Variants in MROH6 observed in about 807,000 individuals in gnomAD.
MROH6 encodes the protein maestro heat-like repeat-containing protein family member 6.
In MROH6, 62 loss-of-function variants were observed where a neutral mutation model predicts 67.7. The ratio of observed to expected loss-of-function variants is 0.92; its 90% confidence interval spans 0.75 to 1.13. MROH6 has a LOEUF of 1.13. MROH6 is among the 50% of genes most tolerant of loss of function. The pLI, the probability that MROH6 is intolerant of heterozygous loss-of-function variation, is 0.00. For missense variants in MROH6, 1,175 were observed against 1,029.1 expected (o/e 1.14, Z -1.94); for synonymous variants, 566 against 470.8 (o/e 1.20, Z -2.62).
rs758472125 is a variant in MROH6, at chr8:143,571,876, C to T, written c.448-55G>A. ...TCAGGCCTCCTCCACCGTCCATTCC[C>T]CTCTGGCCTGCACCCCACCTCCACC... On this transcript the variant is annotated intron_variant, in intron 2 of 13. Transcript: ENST00000398882. The T allele has an allele frequency of 2.5e-4, 376 of 1,510,444 alleles. 1 individual carries two copies. The highest frequency in any genetic ancestry group is 3.1e-4 in the Non-Finnish European group (346 of 1,125,142). 93.6% of individuals were successfully genotyped at this position (1,510,444 alleles called of 1,614,324 possible). A position where few individuals can be genotyped will look rare whatever the true frequency, so the allele number is the denominator to read the frequency against.
At position 143,566,393 on chromosome 8, in the gene MROH6, T is replaced by C. The variant is rs189301048; in HGVS notation, c.*846A>G. ...GAAGGAGGCCACGAATGCAAGGACATTTCCAGGCAGGCATCCTAGGTGCAG... is the reference window on the plus strand; with the variant it reads ...GAAGGAGGCCACGAATGCAAGGACACTTCCAGGCAGGCATCCTAGGTGCAG... On this transcript the variant is annotated 3_prime_UTR_variant, in exon 14 of 14. Transcript: ENST00000398882. 6 of 152,386 alleles carry C rather than the reference T, an allele frequency of 3.9e-5. No individual in the cohort carries two copies. Among genetic ancestry groups the C allele is most frequent in the Non-Finnish European group, 1.5e-5 (1 of 68,060 alleles). The allele number at this position is 152,386 out of a possible 1,614,324, so 9.4% of individuals were successfully genotyped here.
chr8:143,572,399 C>A (rs762473844), intron 1 of MROH6, 22 bp downstream of exon 1: 7 of 1,537,744 alleles, frequency 4.6e-6, no homozygotes, highest in Non-Finnish European at 6.1e-6. Context: ...GTTCGCACAA[C>A]ATCCCTTCCC....
At position 143,569,518 on chromosome 8, in the gene MROH6, G is replaced by A; in HGVS notation, c.1399C>T (p.Leu467Phe). 1 of 1,500,432 alleles carries A rather than the reference G, an allele frequency of 6.7e-7. No individual in the cohort carries two copies. The highest frequency in any genetic ancestry group is 8.8e-7 in the Non-Finnish European group (1 of 1,133,500). 92.9% of individuals were successfully genotyped at this position (1,500,432 alleles called of 1,614,324 possible). Residue 467 changes from leucine (L) to phenylalanine (F), a missense_variant, in exon 9 of 14, where the codon CTC (leucine) becomes TTC (phenylalanine). Coordinates refer to ENST00000398882, the MANE Select transcript of MROH6 (RefSeq NM_001100878.2). ...VGAALGALRR[L>F]LLRPRAPVRL... is the part of the protein sequence containing the mutation. The stretch of plus-strand genomic sequence containing the variant: ...ACAGGCGCCCGGGGCCGCAGCAGGA[G>A]CCTCCTCAGGGCGCCCAGCGCTGCA...
rs756733354 is a variant in MROH6, at chr8:143,571,821, C to G, written c.448G>C (p.Val150Leu). The change falls in exon 3 of 14, where the codon GTG becomes CTG. Residue 150 changes from valine to leucine, a missense_variant and splice_region_variant. Transcript: ENST00000398882. ...EARGERLEDQ[V>L]HALVRGLLAQ... Reference sequence around the variant, plus strand: ...AGCAGCCCACGCACCAGAGCATGCACCTGGTGGGGAAGGGGGCAGACTTCA... The same window carrying G: ...AGCAGCCCACGCACCAGAGCATGCAGCTGGTGGGGAAGGGGGCAGACTTCA... 1 of 1,541,302 alleles carries G rather than the reference C, an allele frequency of 6.5e-7. No individual in the cohort carries two copies. Among genetic ancestry groups the G allele is most frequent in the Non-Finnish European group, 8.7e-7 (1 of 1,143,988 alleles).
intron 4 of MROH6, 36 bp downstream of exon 4, chr8:143,570,841 C>G (rs11777527): frequency 3.3e-6 from 3 of 900,730 alleles, no homozygotes; most frequent in Non-Finnish European, 5.1e-6. Context: ...CCCCCACCCC[C>G]GCCCCCACCC....
chr8:143,569,064 C>T (rs1322085870), intron 9 of MROH6, among the ~76,000 whole-genome samples: 6 of 44,090 alleles, frequency 1.4e-4, no homozygotes, highest in Non-Finnish European at 2.6e-4. Flanking sequence ...GGGGACGGGG[C>T]CTGGGAGGGA....
At chr8:143,570,117 C>G in intron 6 of MROH6, 52 bp from the exon 7 acceptor site, 1 of 1,581,462 alleles carries the variant, frequency 6.3e-7, no homozygotes, top group East Asian at 2.3e-5. Flanking sequence ...CCTTTCTCCT[C>G]GAGAAGACCC....
Position 143,572,102 on chromosome 8 carries a change from T to C in MROH6, c.378A>G (p.Ala126=), listed in dbSNP as rs1369158609. 2 of 1,612,762 alleles carry C rather than the reference T, an allele frequency of 1.2e-6. No individual in the cohort carries two copies. Among genetic ancestry groups the C allele is most frequent in the Admixed American group, 1.7e-5 (1 of 59,978 alleles). The change falls in exon 2 of 14, where the codon GCA becomes GCG. Residue 126 remains alanine, a synonymous_variant. Transcript: ENST00000398882. ...TAACLEEAGF[A]GTQATVLTLS... ...GGGTGAGCACTGTCGCCTGGGTCCC[T>C]GCAAAGCCAGCCTCCTCCAGGCAGG...
In MROH6 at chr8:143,568,687, C is replaced by A. The variant is rs1427922905; in HGVS notation, c.1509G>T (p.Gly503=). 1.3e-6 allele frequency: 2 copies of A among 1,512,836 alleles called. No homozygotes were observed. The highest frequency in any genetic ancestry group is 2.8e-5 in the African/African-American group (2 of 71,562). 93.7% of individuals were successfully genotyped at this position (1,512,836 alleles called of 1,614,324 possible). Residue 503 remains glycine, a synonymous_variant, in exon 10 of 14, where the codon GGG becomes GGT. Transcript: ENST00000398882. ...CCCGGCGCACCAGAGTCCCAAGGAG[C>A]CCGACGGCCGAGGCGCGGATTGAGT... The part of the protein sequence containing the change: ...TRDSIRASAV[G]LLGTLVRRGR...
At chr8:143,568,802 A>G in intron 9 of MROH6, 83 bp from the exon 10 acceptor site, 1 of 1,119,902 alleles carries the variant, frequency 8.9e-7, no homozygotes, top group Non-Finnish European at 1.2e-6. Flanking sequence ...CGGAGCGAGG[A>G]AGCGGCGGGT....
chr8:143,569,499 G>T lies in MROH6; in HGVS notation c.1418C>A (p.Ala473Glu). 3 of 1,485,632 alleles carry T rather than the reference G, an allele frequency of 2.0e-6. No homozygotes were observed. Among genetic ancestry groups the T allele is most frequent in the Non-Finnish European group, 2.7e-6 (3 of 1,127,444 alleles). 92.0% of individuals were successfully genotyped at this position (1,485,632 alleles called of 1,614,324 possible). A position where few individuals can be genotyped will look rare whatever the true frequency, so the allele number is the denominator to read the frequency against. Residue 473 changes from alanine (A) to glutamate (E), a missense_variant, in exon 9 of 14, where the codon GCG becomes GAG. Coordinates refer to ENST00000398882, the MANE Select transcript of MROH6 (RefSeq NM_001100878.2). ...ALRRLLLRPR[A>E]PVRLLSAELG... ...CTCCGCGCTCAGGAGCCGCACAGGCGCCCGGGGCCGCAGCAGGAGCCTCCT... is the reference window on the plus strand; with the variant it reads ...CTCCGCGCTCAGGAGCCGCACAGGCTCCCGGGGCCGCAGCAGGAGCCTCCT...
intron 9 of MROH6, 55 bp downstream of exon 9, chr8:143,569,386 G>A: frequency 7.4e-7 from 1 of 1,355,776 alleles, no homozygotes; most frequent in Admixed American, 3.8e-5. Context: ...AGACTGGAAG[G>A]GCGGGGGCGG....
chr8:143,572,133 G>A lies in MROH6; in HGVS notation c.347C>T (p.Thr116Met), dbSNP rs147170425. 400 of 1,613,046 alleles carry A rather than the reference G, an allele frequency of 2.5e-4. No homozygotes were observed. The African/African-American group carries it at 3.1e-3, about 12-fold the overall frequency. Residue 116 changes from threonine to methionine, a missense_variant, in exon 2 of 14, where the codon ACG (threonine) becomes ATG (methionine). Transcript: ENST00000398882. The part of the protein sequence containing the change: ...EGVLADLALY[T>M]AACLEEAGFA... ...GCCAGCCTCCTCCAGGCAGGCAGCC[G>A]TGTACAACGCGAGGTCGGCAAGAAC...
chr8:143,571,550 T>A (rs999314454), intron 3 of MROH6, 117 bp downstream of exon 3: 104 of 1,354,228 alleles, frequency 7.7e-5, no homozygotes, highest in Middle Eastern at 4.8e-4. Flanking sequence ...ATCGCGGGGC[T>A]GGAATAAGGA....
chr8:143,568,869 G>A (rs935873438), intron 9 of MROH6, 150 bp from the exon 10 acceptor site: 1 of 594,798 alleles, frequency 1.7e-6, no homozygotes. Context: ...GCCTGGAGCT[G>A]GACCTGGTTG....
At position 143,568,238 on chromosome 8, in the gene MROH6, G is replaced by A. The variant is rs776909937; in HGVS notation, c.1668C>T (p.Arg556=). ...GGCCCCAGCAAAAGGCGTGGTCACAGCGGGCCAGGGTCCACTCTGAGCTCT... is the reference window on the plus strand; with the variant it reads ...GGCCCCAGCAAAAGGCGTGGTCACAACGGGCCAGGGTCCACTCTGAGCTCT... ...AAESSEWTLA[R]CDHAFCWGLL... The change falls in exon 11 of 14, where the codon CGC becomes CGT. Residue 556 remains arginine (R), a synonymous_variant. Transcript: ENST00000398882. 29 of 1,610,066 alleles carry A rather than the reference G, an allele frequency of 1.8e-5. No homozygotes were observed. The Admixed American group carries it at 4.9e-4, about 27-fold the overall frequency.
At position 143,570,341 on chromosome 8, in the gene MROH6, A is replaced by C. The variant is rs768119143; in HGVS notation, c.945T>G (p.Asp315Glu). The C allele has an allele frequency of 1.6e-5, 25 of 1,610,670 alleles. 1 individual carries two copies. In the Middle Eastern group the frequency reaches 1.2e-3, roughly 74 times the overall value. The part of the protein sequence containing the change: ...VEALKALLTG[D>E]GGRMVVTCME... The stretch of plus-strand genomic sequence containing the variant: ...TGCACGTGACCACCATGCGGCCTCC[A>C]TCCCCGGTGAGCAGCGCCTTCAAGG... Residue 315 changes from aspartate (D) to glutamate (E), a missense_variant, in exon 6 of 14, where the codon GAT (aspartate) becomes GAG (glutamate). By Grantham distance (45) the Asp-to-Glu change is conservative (BLOSUM62 2). Coordinates refer to ENST00000398882, the MANE Select transcript of MROH6 (RefSeq NM_001100878.2).
At position 143,572,141 on chromosome 8, in the gene MROH6, C is replaced by T. The variant is rs774071172; in HGVS notation, c.339G>A (p.Ala113=). 3.2e-5 allele frequency: 52 copies of T among 1,613,090 alleles called. No homozygotes were observed. Among genetic ancestry groups the T allele is most frequent in the African/African-American group, 5.3e-5 (4 of 75,046 alleles). The change falls in exon 2 of 14, where the codon GCG becomes GCA. Residue 113 remains alanine (A), a synonymous_variant. Transcript: ENST00000398882. The part of the protein sequence containing the change: ...SWEEGVLADL[A]LYTAACLEEA... Reference sequence around the variant, plus strand: ...CCTCCAGGCAGGCAGCCGTGTACAACGCGAGGTCGGCAAGAACTCCCTCCT... The same window carrying T: ...CCTCCAGGCAGGCAGCCGTGTACAATGCGAGGTCGGCAAGAACTCCCTCCT...
chr8:143,570,545 C>T lies in MROH6; in HGVS notation c.833G>A (p.Arg278His), dbSNP rs747367163. ...ALVTQLHKLA[R>H]SPCSPDMPKI... is the part of the protein sequence containing the mutation. ...GGGCATGTCGGGGGAGCACGGGCTG[C>T]GGGCCAGCTTGTGCAGCTGTGTGAC... The change falls in exon 5 of 14, where the codon CGC becomes CAC. Residue 278 changes from arginine (R) to histidine (H), a missense_variant. By Grantham distance (29) the Arg-to-His change is conservative. Transcript: ENST00000398882. 8.1e-6 allele frequency: 13 copies of T among 1,610,852 alleles called. No homozygotes were observed. The highest frequency in any genetic ancestry group is 3.3e-5 in the South Asian group (3 of 91,082).
Sources: allele counts gnomAD v4.1 joint callset (sites outside exome capture counted in the v4.1 genomes callset), GRCh38; gene constraint gnomAD v4.1.1; transcripts MANE v1.5; gene names NCBI Gene and HGNC (gene_info 2026-07-23, HGNC 2026-07-21).